Variants in SGCD observed in about 807,000 individuals in gnomAD.
The protein encoded by SGCD is delta-sarcoglycan.
In SGCD, 18 loss-of-function variants were observed where a neutral mutation model predicts 36.6. The observed-to-expected ratio is 0.49, with a 90% CI of 0.34 to 0.73. The LOEUF (loss-of-function observed/expected upper bound fraction) is 0.73. Ranked by LOEUF, SGCD falls within the 30% of genes least tolerant of loss-of-function variation. SGCD has a pLI of 0.01. For synonymous variants in SGCD, 133 were observed against 130.6 expected, an observed-to-expected ratio of 1.02 and a Z score of -0.12; for missense variants, 387 against 346.7, an observed-to-expected ratio of 1.12 and a Z score of -0.92.
At chr5:156,700,939 T>C (rs1424532487) in intron 7 of SGCD, among the ~76,000 whole-genome samples, 1 of 52,570 alleles carries the variant, frequency 1.9e-5, no homozygotes, top group East Asian at 6.5e-4. Flanking sequence ...TGAGACCTTG[T>C]CTCAAAAAAA....
intron 2 of SGCD, among the ~76,000 whole-genome samples, chr5:156,335,270 A>G (rs1000683271): frequency 6.6e-6 from 1 of 152,224 alleles, no homozygotes; most frequent in Non-Finnish European, 1.5e-5. Flanking sequence ...TTCATCAGAG[A>G]TAAATATTTT....
chr5:156,162,272 C>T (rs1763103825), intron 3 of SGCD, among the ~76,000 whole-genome samples: 5 of 151,612 alleles, frequency 3.3e-5, no homozygotes. Flanking sequence ...CAAACAACCT[C>T]TCCAGGCTAC....
chr5:156,509,152 A>G (rs13360574), intron 4 of SGCD, among the ~76,000 whole-genome samples: 49,756 of 152,074 alleles, frequency 0.33, 8,278 homozygotes, highest in Non-Finnish European at 0.36. Flanking sequence ...CAAGCTGAGT[A>G]CAGTGGCTCA....
chr5:156,007,794 G>A (rs1281606522), intron 1 of SGCD, among the ~76,000 whole-genome samples: 7 of 152,166 alleles, frequency 4.6e-5, no homozygotes, highest in African/African-American at 1.7e-4. Flanking sequence ...CAAACAAAAA[G>A]CTATCCAGAT....
chr5:156,197,816 T>C (rs1036012910), intron 3 of SGCD, among the ~76,000 whole-genome samples: 16 of 152,158 alleles, frequency 1.1e-4, no homozygotes, highest in African/African-American at 3.4e-4. Context: ...TATGTTTTAA[T>C]TGACAAATAA....
At chr5:155,749,418 G>A in the SGCD span, among the ~76,000 whole-genome samples, 7 of 152,184 alleles carry the variant, frequency 4.6e-5, no homozygotes, top group Non-Finnish European at 1.0e-4. Context: ...TGATTATACA[G>A]TTGATTCGGT....
intron 6 of SGCD, among the ~76,000 whole-genome samples, chr5:156,641,352 G>A (rs1763019125): frequency 6.6e-6 from 1 of 152,172 alleles, no homozygotes; most frequent in African/African-American, 2.4e-5. Context: ...TCTCACATAT[G>A]TTGGAAATCT....
intron 3 of SGCD, among the ~76,000 whole-genome samples, chr5:156,423,300 A>ATAT (rs375576755): frequency 3.0e-4 from 3 of 9,928 alleles, no homozygotes; most frequent in South Asian, 3.4e-3. Context: ...TTATAATATA[A>ATAT]TATATTTTAT....
the SGCD span, among the ~76,000 whole-genome samples, chr5:155,768,302 T>TC: frequency 5.3e-5 from 8 of 151,840 alleles, no homozygotes; most frequent in Admixed American, 6.6e-5. Flanking sequence ...GTTTTTTTTT[T>TC]CCTAAACTAT....
chr5:155,899,666 C>T (rs1214137865), intron 1 of SGCD, among the ~76,000 whole-genome samples: 13 of 152,072 alleles, frequency 8.5e-5, no homozygotes, highest in African/African-American at 3.1e-4. Context: ...GTTTAGACCA[C>T]CCCCCACCCC....
the SGCD span, among the ~76,000 whole-genome samples, chr5:155,795,415 AGTTG>A: frequency 0.016 from 2,362 of 147,408 alleles, 59 homozygotes; most frequent in African/African-American, 0.061. Context: ...GGTAAAACAT[AGTTG>A]TATGTTTTAC....
chr5:156,334,354 C>A (rs1488462148), intron 2 of SGCD, among the ~76,000 whole-genome samples: 1 of 152,204 alleles, frequency 6.6e-6, no homozygotes, highest in Non-Finnish European at 1.5e-5. Flanking sequence ...GAAAATGACA[C>A]CATTAAATCT....
the SGCD span, among the ~76,000 whole-genome samples, chr5:155,749,372 T>G: frequency 1.5e-4 from 23 of 152,328 alleles, no homozygotes; most frequent in African/African-American, 4.8e-4. Flanking sequence ...ACTCTTAGTT[T>G]TTTCTGAAGA....
At chr5:156,478,163 T>C in intron 3 of SGCD, among the ~76,000 whole-genome samples, 1 of 152,200 alleles carries the variant, frequency 6.6e-6, no homozygotes, top group East Asian at 1.9e-4. Flanking sequence ...GGCTGCTTCA[T>C]GTCAAGTCAA....
rs78996141 is a variant in SGCD at position 156,542,541 on chromosome 5, C to T, written c.294+33839C>T. On this transcript the variant is annotated intron_variant, in intron 4 of 8. Transcript: ENST00000337851. ...GAAAAAAATAAGTTAAGCCCTCTTT[C>T]ATATACTGCTAGGCAATATGCATTA... Among the ~76,000 whole-genome samples, 1,009 of 152,280 alleles carry T rather than the reference C, an allele frequency of 6.6e-3. 7 individuals carry two copies. The highest frequency in any genetic ancestry group is 0.018 in the African/African-American group (735 of 41,562).
intron 1 of SGCD, among the ~76,000 whole-genome samples, chr5:155,993,053 A>G (rs1758466214): frequency 6.6e-6 from 1 of 152,048 alleles, no homozygotes; most frequent in African/African-American, 2.4e-5. Flanking sequence ...TCCTACACCC[A>G]AGATCCTTCT....
At chr5:155,733,641 T>A in the SGCD span, among the ~76,000 whole-genome samples, 1 of 151,894 alleles carries the variant, frequency 6.6e-6, no homozygotes, top group Non-Finnish European at 1.5e-5. Context: ...CACTTTTTTT[T>A]TTTTGCCATT....
chr5:156,714,072 T>G (rs1172302352), intron 7 of SGCD, among the ~76,000 whole-genome samples: 1 of 152,246 alleles, frequency 6.6e-6, no homozygotes, highest in Non-Finnish European at 1.5e-5. Context: ...TATTCACAAA[T>G]TCCATACTTG....
intron 3 of SGCD, among the ~76,000 whole-genome samples, chr5:156,201,872 G>A (rs898225809): frequency 2.0e-5 from 3 of 152,108 alleles, no homozygotes; most frequent in African/African-American, 7.2e-5. Context: ...CAGAGTTGGT[G>A]TGTGGGAATC....
Sources: allele counts gnomAD v4.1 joint callset (sites outside exome capture counted in the v4.1 genomes callset), GRCh38; gene constraint gnomAD v4.1.1; transcripts MANE v1.5; gene names NCBI Gene and HGNC (gene_info 2026-07-23, HGNC 2026-07-21).